The following CSMD1 variants were observed in gnomAD, a reference collection of about 807,000 sequenced individuals.
CSMD1 encodes CUB and sushi domain-containing protein 1.
A neutral mutation model predicts 417.5 loss-of-function variants in CSMD1; 213 were observed. The ratio of observed to expected loss-of-function variants is 0.51; its 90% CI spans 0.46 to 0.57. The LOEUF (loss-of-function observed/expected upper bound fraction) is 0.57, where lower values mean the gene tolerates loss of function less well. CSMD1 is among the 20% of genes least tolerant of loss of function. The probability of loss-of-function intolerance (pLI) is 0.00; values close to 1 mark genes in which losing one functional copy is unlikely to be tolerated. For synonymous variants in CSMD1, 2,862 were observed against 1,736.8 expected (o/e 1.65, Z -16.11); for missense variants, 6,923 against 4,529.7 (o/e 1.53, Z -15.17).
chr8:3,607,175 C>G (rs937685117), intron 8 of CSMD1, among the ~76,000 whole-genome samples: 1 of 152,086 alleles, frequency 6.6e-6, no homozygotes, highest in African/African-American at 2.4e-5. Flanking sequence ...TAAACTAAAA[C>G]ATGAACAAGC....
At chr8:3,535,671 G>C (rs1798165549) in intron 10 of CSMD1, among the ~76,000 whole-genome samples, 1 of 152,166 alleles carries the variant, frequency 6.6e-6, no homozygotes, top group Non-Finnish European at 1.5e-5. Flanking sequence ...CAAAATCTAT[G>C]CATGTAACAA....
At position 3,918,775 on chromosome 8, in the gene CSMD1, A is replaced by G. The variant is rs373865934; in HGVS notation, c.818+79128T>C. ...ATTCTTCTAAGTGAAGTAACTCAGC[A>G]ATGGAAAACCAAACATTTTATGTTC... On this transcript the variant is annotated intron_variant, in intron 5 of 69. Transcript: ENST00000635120. 9.3e-4 allele frequency among the ~76,000 whole-genome samples: 142 copies of G among 152,284 alleles called. 1 individual carries two copies. Among genetic ancestry groups the G allele is most frequent in the African/African-American group, 3.2e-3 (132 of 41,562 alleles).
chr8:3,152,470 A>G (rs1819257230), intron 39 of CSMD1, among the ~76,000 whole-genome samples: 1 of 152,238 alleles, frequency 6.6e-6, no homozygotes, highest in Admixed American at 6.5e-5. Context: ...ATTTTCTGGA[A>G]GCCCTCTTTT....
chr8:4,892,070 G>A (rs1056837373), intron 1 of CSMD1, among the ~76,000 whole-genome samples: 15 of 152,202 alleles, frequency 9.9e-5, no homozygotes, highest in African/African-American at 3.4e-4. Context: ...TAGAAGGTGC[G>A]GGAGGTAGGA....
chr8:4,768,256 T>G (rs10099673), intron 1 of CSMD1, among the ~76,000 whole-genome samples: 121,774 of 151,678 alleles, frequency 0.8, 49,448 homozygotes, highest in East Asian at 0.97. Context: ...CTCCTTCATG[T>G]CAGCCCCTAA....
intron 3 of CSMD1, among the ~76,000 whole-genome samples, chr8:4,292,492 T>C (rs1283181097): frequency 6.6e-6 from 1 of 152,144 alleles, no homozygotes; most frequent in African/African-American, 2.4e-5. Context: ...GACCTCGTAA[T>C]CTGCCTGCCT....
At chr8:3,949,031 T>C (rs976100498) in intron 5 of CSMD1, among the ~76,000 whole-genome samples, 1 of 152,222 alleles carries the variant, frequency 6.6e-6, no homozygotes, top group African/African-American at 2.4e-5. Flanking sequence ...TAGAATTTTC[T>C]AATTCATGAG....
At chr8:4,572,284 C>T (rs368521527) in intron 2 of CSMD1, among the ~76,000 whole-genome samples, 16 of 152,098 alleles carry the variant, frequency 1.1e-4, no homozygotes, top group African/African-American at 3.9e-4. Context: ...TTAGTGCTTC[C>T]TTCAGGAGCT....
At chr8:4,428,810 C>T (rs899270450) in intron 2 of CSMD1, among the ~76,000 whole-genome samples, 1 of 152,066 alleles carries the variant, frequency 6.6e-6, no homozygotes, top group African/African-American at 2.4e-5. Flanking sequence ...ACCTCCACCT[C>T]CCAGGTTGAA....
chr8:4,191,815 G>A (rs893205397), intron 3 of CSMD1, among the ~76,000 whole-genome samples: 1 of 149,968 alleles, frequency 6.7e-6, no homozygotes, highest in African/African-American at 2.5e-5. Context: ...ATCTCCTATC[G>A]AATGATTTAC....
intron 39 of CSMD1, among the ~76,000 whole-genome samples, chr8:3,153,777 T>C (rs146842667): frequency 3.0e-4 from 45 of 152,290 alleles, no homozygotes; most frequent in African/African-American, 9.9e-4. Context: ...CTCTGTGTGA[T>C]GGGAAACTGA....
intron 26 of CSMD1, among the ~76,000 whole-genome samples, chr8:3,262,349 G>A (rs75337021): frequency 0.044 from 6,631 of 150,876 alleles, 184 homozygotes; most frequent in Middle Eastern, 0.072. Flanking sequence ...TCTCATGATT[G>A]TGAAACTCCT....
intron 46 of CSMD1, among the ~76,000 whole-genome samples, chr8:3,105,216 G>A (rs554804069): frequency 3.9e-5 from 6 of 152,328 alleles, no homozygotes; most frequent in African/African-American, 1.2e-4. Context: ...TGTGCACAGT[G>A]CAGGGAAGAG....
intron 5 of CSMD1, among the ~76,000 whole-genome samples, chr8:3,926,641 A>G (rs1054952210): frequency 6.6e-6 from 1 of 151,800 alleles, no homozygotes. Flanking sequence ...ATATTATTAG[A>G]AACAATTAAT....
At chr8:4,567,911 T>A (rs1395929242) in intron 2 of CSMD1, among the ~76,000 whole-genome samples, 3 of 152,208 alleles carry the variant, frequency 2.0e-5, no homozygotes, top group African/African-American at 7.2e-5. Context: ...GTTCACTTAA[T>A]CAATGACCTG....
chr8:3,068,745 G>A (rs547958258), intron 49 of CSMD1, among the ~76,000 whole-genome samples: 7 of 152,212 alleles, frequency 4.6e-5, no homozygotes, highest in South Asian at 4.2e-4. Flanking sequence ...AACAGATCTC[G>A]TGAGAACTCA....
At chr8:4,728,904 T>C (rs1210397133) in intron 1 of CSMD1, among the ~76,000 whole-genome samples, 1 of 152,168 alleles carries the variant, frequency 6.6e-6, no homozygotes, top group Non-Finnish European at 1.5e-5. Flanking sequence ...AGAAGGAATT[T>C]GTCTTTGAGC....
In CSMD1 at chr8:4,562,352, T is replaced by G. The variant is rs1195283682; in HGVS notation, c.302+74990A>C. Among the ~76,000 whole-genome samples the G allele has an allele frequency of 4.6e-5, 7 of 152,088 alleles. No individual in the cohort carries two copies. The East Asian group carries it at 1.2e-3, about 25-fold the overall frequency. ...CCCAAGAAATGGGAAATGGAAGAAG[T>G]GGCACACCAGAGCCCAAAAGACTGA... On this transcript the variant is annotated intron_variant, in intron 2 of 69. Coordinates refer to ENST00000635120, the MANE Select transcript of CSMD1 (RefSeq NM_033225.6).
At chr8:3,363,014 T>A (rs931008028) in intron 20 of CSMD1, among the ~76,000 whole-genome samples, 2 of 152,234 alleles carry the variant, frequency 1.3e-5, no homozygotes, top group Admixed American at 6.5e-5. Context: ...AAGTTACTTA[T>A]GTTATCTGCC....
Sources: allele counts gnomAD v4.1 joint callset (sites outside exome capture counted in the v4.1 genomes callset), GRCh38; gene constraint gnomAD v4.1.1; transcripts MANE v1.5; gene names NCBI Gene and HGNC (gene_info 2026-07-23, HGNC 2026-07-21).